The following HIPK1 variants were observed in gnomAD, a reference collection of about 807,000 sequenced individuals.
HIPK1 encodes the protein homeodomain interacting protein kinase 1.
In HIPK1, 28 loss-of-function variants were observed where a neutral mutation model predicts 117.1. That is an observed-to-expected ratio of 0.24 (90% CI 0.18 to 0.33). HIPK1 has a LOEUF of 0.33. Among genes scored for constraint, HIPK1 ranks in the 10% least tolerant of loss-of-function variants. HIPK1 has a pLI of 1.00. For missense variants in HIPK1, 1,122 were observed against 1,475.1 expected (o/e 0.76, Z 3.92); for synonymous variants, 605 against 562.5 (o/e 1.08, Z -1.07).
chr1:113,969,836 G>T, intron 13 of HIPK1, 120 bp from the exon 14 acceptor site: 1 of 1,068,724 alleles, frequency 9.4e-7, no homozygotes, highest in Non-Finnish European at 1.4e-6. Context: ...GAGCCCAGGA[G>T]GTTGAGGTCG....
rs145171448 is a variant in HIPK1, at chr1:113,940,659, G to C, written c.276G>C (p.Ser92=). Residue 92 remains serine (S), a synonymous_variant, in exon 2 of 16, where the codon TCG becomes TCC. Coordinates refer to ENST00000426820, the MANE Select transcript of HIPK1 (RefSeq NM_198268.3). The part of the protein sequence containing the change: ...EHIVVTAADS[S]GSAATSTFQS... ...TTGTTGTAACAGCCGCTGATAGCTC[G>C]GGCAGTGCTGCTACATCAACCTTCC... The C allele has an allele frequency of 1.7e-5, 27 of 1,614,016 alleles. No homozygotes were observed. The East Asian group carries it at 4.5e-4, about 27-fold the overall frequency.
At chr1:113,932,339 T>C (rs951101699) in intron 1 of HIPK1, 3 of 151,436 alleles carry the variant, frequency 2.0e-5, no homozygotes, top group Non-Finnish European at 4.4e-5. Flanking sequence ...TCATTAGCGC[T>C]GGGTAAAACT....
At chr1:113,929,652 G>C (rs1484319085) in intron 1 of HIPK1, 120 bp downstream of exon 1, 1 of 972,806 alleles carries the variant, frequency 1.0e-6, no homozygotes, top group Non-Finnish European at 1.4e-6. Context: ...TGCGGAGCAA[G>C]GGGCCCGGCG....
At chr1:113,970,596 T>C (rs1420906891) in intron 14 of HIPK1, among the ~76,000 whole-genome samples, 1 of 152,254 alleles carries the variant, frequency 6.6e-6, no homozygotes, top group African/African-American at 2.4e-5. Flanking sequence ...AAAACAGTTA[T>C]ATTCTTTAGA....
chr1:113,931,850 T>C (rs2101109631), intron 1 of HIPK1, among the ~76,000 whole-genome samples: 1 of 152,362 alleles, frequency 6.6e-6, no homozygotes, highest in South Asian at 2.1e-4. Flanking sequence ...GAAGTAATTT[T>C]GCAAACATGA....
rs758577173 is a variant in HIPK1, at chr1:113,973,043, C to A, written c.3164C>A (p.Ala1055Asp). 6.6e-7 allele frequency: 1 copy of A among 1,517,490 alleles called. No homozygotes were observed. The highest frequency in any genetic ancestry group is 8.8e-7 in the Non-Finnish European group (1 of 1,133,476). 94.0% of individuals were successfully genotyped at this position (1,517,490 alleles called of 1,614,324 possible). A position where few individuals can be genotyped will look rare whatever the true frequency, so the allele number is the denominator to read the frequency against. Residue 1055 changes from alanine to aspartate, a missense_variant, in exon 16 of 16, where the codon GCT (alanine) becomes GAT (aspartate). By Grantham distance (126) the Ala-to-Asp change is moderately radical. Coordinates refer to ENST00000426820, the MANE Select transcript of HIPK1 (RefSeq NM_198268.3). ...NLSQNQQSSAAPTSQERSSNP... is the reference protein window; with the variant it reads ...NLSQNQQSSADPTSQERSSNP... ...TTCCAGAACCAGCAGTCATCGGCGG[C>A]TCCAACCTCACAGGAGAGAAGCAGC...
At chr1:113,956,508 C>T in intron 5 of HIPK1, 119 bp from the exon 6 acceptor site, 1 of 540,550 alleles carries the variant, frequency 1.8e-6, no homozygotes, top group East Asian at 3.4e-5. Context: ...AAAGAATTTC[C>T]CCAGGTTTCT....
At chr1:113,948,869 G>A (rs984085552) in intron 2 of HIPK1, among the ~76,000 whole-genome samples, 3 of 151,594 alleles carry the variant, frequency 2.0e-5, no homozygotes, top group African/African-American at 7.3e-5. Context: ...ACGGAGTTTC[G>A]CTCTTACGCC....
Position 113,976,073 on chromosome 1 carries a change from C to T in HIPK1, c.*2561C>T, listed in dbSNP as rs1470836758. 1 of 152,668 alleles carries T rather than the reference C, an allele frequency of 6.6e-6. No homozygotes were observed. Among genetic ancestry groups the T allele is most frequent in the Non-Finnish European group, 1.5e-5 (1 of 68,058 alleles). The allele number at this position is 152,668 out of a possible 1,614,324, so 9.5% of individuals were successfully genotyped here. ...TGGAGCCTGGTCAGCCAGCTCTGTA[C>T]CAGGTTGAACACCGAGGAGCTGTCA... On this transcript the variant is annotated 3_prime_UTR_variant, in exon 16 of 16. Transcript: ENST00000426820.
rs1173870129 is a variant in HIPK1, at chr1:113,969,917, A to G, written c.2772-39A>G. On this transcript the variant is annotated intron_variant, in intron 13 of 15. Coordinates refer to ENST00000426820, the MANE Select transcript of HIPK1 (RefSeq NM_198268.3). ...ACAAGACGCTGTCACACACACAAAA[A>G]AGAACAATTCAATTTTCATGTATTT... 1.9e-6 allele frequency: 3 copies of G among 1,610,942 alleles called. No homozygotes were observed. The African/African-American group carries it at 4.0e-5, about 22-fold the overall frequency.
At chr1:113,939,339 T>TG (rs1438565888) in intron 1 of HIPK1, among the ~76,000 whole-genome samples, 30 of 143,206 alleles carry the variant, frequency 2.1e-4, no homozygotes, top group African/African-American at 6.8e-4. Context: ...TTTTTTTTTT[T>TG]TTTGTTGTTG....
At chr1:113,947,173 A>G (rs1428885366) in intron 2 of HIPK1, among the ~76,000 whole-genome samples, 2 of 152,156 alleles carry the variant, frequency 1.3e-5, no homozygotes, top group African/African-American at 4.8e-5. Context: ...GGCCCTGGGC[A>G]TGGCTAAATG....
At chr1:113,949,600 CT>C (rs11465018) in intron 2 of HIPK1, among the ~76,000 whole-genome samples, 36,062 of 133,114 alleles carry the variant, frequency 0.27, 4,052 homozygotes, top group African/African-American at 0.32. Flanking sequence ...CTTTTCTTTT[CT>C]TTTTTTTTTT....
Position 113,973,512 on chromosome 1 carries a change from G to T in HIPK1, c.3633G>T (p.Ter1211TyrextTer35). The T allele has an allele frequency of 6.4e-7, 1 of 1,574,698 alleles. No homozygotes were observed. The highest frequency in any genetic ancestry group is 8.6e-7 in the Non-Finnish European group (1 of 1,156,930). ...PTKISQYSYL[*>Y] ...AGATCAGCCAGTATTCCTACTTATA[G>T]TTGGTGAGCATGAGGGAGGAGGAAT... The change falls in exon 16 of 16, where the codon TAG becomes TAT. Residue 1211 changes from the stop codon to tyrosine, a stop_lost. Transcript: ENST00000426820.
intron 3 of HIPK1, among the ~76,000 whole-genome samples, chr1:113,953,670 A>G (rs912250150): frequency 6.6e-6 from 1 of 152,002 alleles, no homozygotes; most frequent in Non-Finnish European, 1.5e-5. Context: ...GGTGCCTGCC[A>G]CCATGACCAA....
At chr1:113,970,893 C>G (rs1427523734) in intron 14 of HIPK1, among the ~76,000 whole-genome samples, 1 of 152,130 alleles carries the variant, frequency 6.6e-6, no homozygotes, top group Non-Finnish European at 1.5e-5. Flanking sequence ...ATGTCTTAAC[C>G]TCTTTAGGCT....
At chr1:113,965,864 A>C (rs1672408170) in intron 10 of HIPK1, among the ~76,000 whole-genome samples, 1 of 152,176 alleles carries the variant, frequency 6.6e-6, no homozygotes, top group Admixed American at 6.5e-5. Context: ...ACAGTATAAT[A>C]GAAGCTCTTA....
rs55979020 is a variant in HIPK1 at position 113,938,929 on chromosome 1, T to TACACACACACACACAC, written c.-2-1434_-2-1419dup. Among the ~76,000 whole-genome samples the TACACACACACACACAC allele has an allele frequency of 3.6e-3, 419 of 115,462 alleles. 3 individuals are homozygous for TACACACACACACACAC. Among genetic ancestry groups the TACACACACACACACAC allele is most frequent in the Admixed American group, 3.7e-3 (37 of 9,886 alleles). 75.7% of individuals were successfully genotyped at this position (115,462 alleles called of 152,430 possible). On this transcript the variant is annotated intron_variant, in intron 1 of 15. Transcript: ENST00000426820. Reference sequence around the variant, plus strand: ...TGTCTCAAAAAAAAAAAAAAAAAAATACACACACACACACACACACACACA... The same window carrying TACACACACACACACAC: ...TGTCTCAAAAAAAAAAAAAAAAAAATACACACACACACACACACACACACACACACACACACACACA...
chr1:113,938,842 G>A (rs1670426609), intron 1 of HIPK1, among the ~76,000 whole-genome samples: 2 of 150,554 alleles, frequency 1.3e-5, no homozygotes, highest in African/African-American at 4.9e-5. Flanking sequence ...CCCCAGAGGT[G>A]AAGGTTGCAG....
Sources: gnomAD v4.1 joint callset for allele counts (sites outside exome capture counted in the v4.1 genomes callset) on GRCh38, gnomAD v4.1.1 for gene constraint, MANE v1.5 for transcripts, NCBI Gene and HGNC (gene_info 2026-07-23, HGNC 2026-07-21) for gene names.